Variants in UPP2 observed in about 807,000 individuals in gnomAD.
The protein encoded by UPP2 is uridine phosphorylase 2, also known as UPase 2.
UPP2 carries 23 observed loss-of-function variants against 26.7 expected under a neutral mutation model. The observed-to-expected ratio is 0.86, with a 90% CI of 0.62 to 1.22. The LOEUF (loss-of-function observed/expected upper bound fraction) is 1.22, where lower values mean the gene tolerates loss of function less well. Ranked by LOEUF, UPP2 falls within the 50% of genes most tolerant of loss-of-function variation. The pLI is 0.00. For missense variants in UPP2, 387 were observed against 396.7 expected (o/e 0.98, Z 0.21); for synonymous variants, 127 against 141.3 (o/e 0.90, Z 0.72).
At chr2:158,103,880 G>C (rs947166072) in intron 1 of UPP2, among the ~76,000 whole-genome samples, 1 of 152,178 alleles carries the variant, frequency 6.6e-6, no homozygotes, top group Non-Finnish European at 1.5e-5. Flanking sequence ...AGAGAAGAAA[G>C]GAAATGTCCC....
At chr2:158,112,915 A>G (rs543894079) in intron 2 of UPP2, among the ~76,000 whole-genome samples, 3 of 152,164 alleles carry the variant, frequency 2.0e-5, no homozygotes, top group African/African-American at 7.2e-5. Context: ...GTGTGTTTCT[A>G]ACTTCTTTGA....
chr2:158,105,360 G>A (rs1381311858), intron 1 of UPP2, among the ~76,000 whole-genome samples: 3 of 152,124 alleles, frequency 2.0e-5, no homozygotes, highest in African/African-American at 7.2e-5. Flanking sequence ...TTGAGCCAGG[G>A]CCATGGCCAG....
rs771679493 is a variant in UPP2 at position 158,121,465 on chromosome 2, C to T, written c.511C>T (p.Pro171Ser). The T allele has an allele frequency of 6.2e-7, 1 of 1,613,322 alleles. No individual in the cohort carries two copies. Among genetic ancestry groups the T allele is most frequent in the South Asian group, 1.1e-5 (1 of 91,068 alleles). ...TDIAVDSFFKPRFEQVILDNI... is the reference protein window; with the variant it reads ...TDIAVDSFFKSRFEQVILDNI... ...TATAGCTGTAGACTCCTTCTTTAAGCCCCGGTTTGAACAGGTCATTTTGGA... is the reference window on the plus strand; with the variant it reads ...TATAGCTGTAGACTCCTTCTTTAAGTCCCGGTTTGAACAGGTCATTTTGGA... Residue 171 changes from proline (P) to serine (S), a missense_variant, in exon 5 of 7, where the codon CCC becomes TCC. Transcript: ENST00000005756.
chr2:158,122,941 C>T (rs776708765), intron 5 of UPP2, among the ~76,000 whole-genome samples: 1 of 151,790 alleles, frequency 6.6e-6, no homozygotes, highest in Non-Finnish European at 1.5e-5. Flanking sequence ...GTGAAAGTAG[C>T]GTGAAAGAGA....
intron 4 of UPP2, among the ~76,000 whole-genome samples, chr2:158,118,544 G>T (rs370029486): frequency 1.3e-5 from 2 of 151,848 alleles, no homozygotes; most frequent in Admixed American, 1.3e-4. Flanking sequence ...AGAGGCCTTG[G>T]TTTTGCTTCC....
At chr2:157,999,755 C>T (rs956086343) in intron 2 of UPP2, among the ~76,000 whole-genome samples, 1 of 151,888 alleles carries the variant, frequency 6.6e-6, no homozygotes, top group African/African-American at 2.4e-5. Context: ...TAGTTTTTAA[C>T]AAAAAAGTCT....
At chr2:158,130,458 A>AAC (rs1553471669) in intron 6 of UPP2, among the ~76,000 whole-genome samples, 1 of 73,484 alleles carries the variant, frequency 1.4e-5, no homozygotes, top group Non-Finnish European at 2.9e-5. Context: ...CTCAAAAAAA[A>AAC]AAACAAAAAA....
At chr2:158,007,186 C>A (rs896255885) in intron 2 of UPP2, among the ~76,000 whole-genome samples, 21 of 152,164 alleles carry the variant, frequency 1.4e-4, no homozygotes, top group South Asian at 2.1e-4. Context: ...TGATATGCAT[C>A]ATCTTATAAC....
At chr2:158,071,001 G>GA (rs1388146740) in intron 3 of UPP2, among the ~76,000 whole-genome samples, 2 of 152,190 alleles carry the variant, frequency 1.3e-5, no homozygotes, top group Non-Finnish European at 2.9e-5. Flanking sequence ...GCCGGAGGGG[G>GA]ATCATCCATC....
At chr2:158,123,370 G>A (rs1683615519) in intron 5 of UPP2, among the ~76,000 whole-genome samples, 1 of 151,210 alleles carries the variant, frequency 6.6e-6, no homozygotes, top group Non-Finnish European at 1.5e-5. Context: ...TTTTCTCCCA[G>A]CACCCATCCC....
intron 3 of UPP2, among the ~76,000 whole-genome samples, chr2:158,042,750 C>G (rs111796508): frequency 6.6e-6 from 1 of 152,112 alleles, no homozygotes; most frequent in Non-Finnish European, 1.5e-5. Flanking sequence ...TTCTTCCTCC[C>G]AAGGAGGACA....
At chr2:158,001,220 C>T (rs567896319) in intron 2 of UPP2, among the ~76,000 whole-genome samples, 4 of 152,290 alleles carry the variant, frequency 2.6e-5, no homozygotes, top group Non-Finnish European at 5.9e-5. Flanking sequence ...ACAAATGGTC[C>T]ACTCAAATTG....
chr2:158,063,449 G>A (rs1194275048), intron 3 of UPP2, among the ~76,000 whole-genome samples: 1 of 152,132 alleles, frequency 6.6e-6, no homozygotes, highest in Non-Finnish European at 1.5e-5. Flanking sequence ...AAAACCAGGA[G>A]CCGCTCACTG....
At chr2:158,126,917 G>C (rs1307281226) in intron 6 of UPP2, 5 of 152,162 alleles carry the variant, frequency 3.3e-5, no homozygotes, top group Non-Finnish European at 7.3e-5. Flanking sequence ...CACCTCTTCT[G>C]TTCCTTTAGT....
chr2:158,065,952 C>A lies in UPP2; in HGVS notation c.148-36088C>A. On this transcript the variant is annotated intron_variant, in intron 3 of 9. Transcript: ENST00000605860. ...TGCAGTACAATTCGCAAGAAAAAAG[C>A]AGTATGGAGCTTTTAACAGCAAGTT... The A allele has an allele frequency of 8.5e-6, 4 of 470,496 alleles. No individual in the cohort carries two copies. The South Asian group carries it at 8.8e-5, about 10-fold the overall frequency. 29.1% of individuals were successfully genotyped at this position (470,496 alleles called of 1,614,324 possible).
At chr2:158,048,901 T>C (rs1313061013) in intron 3 of UPP2, among the ~76,000 whole-genome samples, 1 of 152,152 alleles carries the variant, frequency 6.6e-6, no homozygotes, top group Non-Finnish European at 1.5e-5. Flanking sequence ...ACCCCTGCCC[T>C]TCTGCCTGCA....
At chr2:158,010,022 G>A (rs991667736) in intron 2 of UPP2, among the ~76,000 whole-genome samples, 1 of 152,236 alleles carries the variant, frequency 6.6e-6, no homozygotes, top group Non-Finnish European at 1.5e-5. Flanking sequence ...AAGACACCAG[G>A]AAACGAGTAT....
At chr2:158,003,295 G>C (rs1683438273) in intron 2 of UPP2, among the ~76,000 whole-genome samples, 1 of 152,146 alleles carries the variant, frequency 6.6e-6, no homozygotes, top group African/African-American at 2.4e-5. Context: ...AGTGGGAGGA[G>C]GAACATTCCT....
At chr2:158,009,938 T>C (rs1011597390) in intron 2 of UPP2, among the ~76,000 whole-genome samples, 1 of 152,200 alleles carries the variant, frequency 6.6e-6, no homozygotes, top group Admixed American at 6.5e-5. Context: ...TAATCAAGAA[T>C]TTTCCAGATC....
Sources: gnomAD v4.1 joint callset for allele counts (sites outside exome capture counted in the v4.1 genomes callset) on GRCh38, gnomAD v4.1.1 for gene constraint, MANE v1.5 for transcripts, NCBI Gene and HGNC (gene_info 2026-07-23, HGNC 2026-07-21) for gene names.